TNNT2: variants seen among roughly 807,000 people sequenced by gnomAD.
TNNT2 encodes troponin T2, cardiac type.
In TNNT2, 34 loss-of-function variants were observed where a neutral mutation model predicts 62.4. That is an observed-to-expected ratio of 0.54 (90% CI 0.41 to 0.72). The LOEUF is 0.72. TNNT2 is among the 30% of genes least tolerant of loss of function. The pLI, the probability that TNNT2 is intolerant of heterozygous loss-of-function variation, is 0.00. For synonymous variants in TNNT2, 123 were observed against 127.2 expected, an observed-to-expected ratio of 0.97 and a Z score of 0.22; for missense variants, 275 against 381.9, an observed-to-expected ratio of 0.72 and a Z score of 2.33.
Position 201,370,325 on chromosome 1 carries a change from C to A in TNNT2, c.68-480G>T, listed in dbSNP as rs756705992. Reference sequence around the variant, plus strand: ...CTGAATGAGGCTCTTGGGTATCCTGCAAACTATGTCCAGTTTCCAGGAGTC... The same window carrying A: ...CTGAATGAGGCTCTTGGGTATCCTGAAAACTATGTCCAGTTTCCAGGAGTC... On this transcript the variant is annotated intron_variant, in intron 4 of 16. Coordinates refer to ENST00000656932, the MANE Select transcript of TNNT2 (RefSeq NM_001276345.2). 4.6e-5 allele frequency among the ~76,000 whole-genome samples: 7 copies of A among 152,306 alleles called. No homozygotes were observed. In the East Asian group the frequency reaches 1.4e-3, roughly 29 times the overall value.
intron 10 of TNNT2, among the ~76,000 whole-genome samples, chr1:201,364,740 T>A (rs574527749): frequency 1.3e-5 from 2 of 152,328 alleles, no homozygotes; most frequent in South Asian, 4.1e-4. Context: ...GAGCAGCATG[T>A]CTGTGGGAAG....
intron 7 of TNNT2, chr1:201,367,420 A>C (rs954882550): frequency 8.6e-6 from 4 of 466,000 alleles, no homozygotes; most frequent in Non-Finnish European, 1.6e-5. Flanking sequence ...CCATCTATGC[A>C]TTGGGATTTC....
intron 5 of TNNT2, chr1:201,369,449 C>A (rs116640473): frequency 2.9e-5 from 14 of 485,584 alleles, no homozygotes; most frequent in African/African-American, 2.6e-4. Flanking sequence ...TAAGGAGGGC[C>A]CAGCATGGAA....
chr1:201,364,800 T>G (rs543403815), intron 10 of TNNT2, among the ~76,000 whole-genome samples: 1 of 152,348 alleles, frequency 6.6e-6, no homozygotes, highest in South Asian at 2.1e-4. Context: ...CTCCACGCTC[T>G]GCAGGAGAAG....
intron 7 of TNNT2, chr1:201,367,557 T>A: frequency 1.5e-6 from 1 of 647,822 alleles, no homozygotes; most frequent in Non-Finnish European, 2.8e-6. Context: ...CCTCTCCCAC[T>A]GGGTGCCACC....
At chr1:201,370,667 G>A (rs1660487224) in intron 4 of TNNT2, among the ~76,000 whole-genome samples, 1 of 152,170 alleles carries the variant, frequency 6.6e-6, no homozygotes, top group Non-Finnish European at 1.5e-5. Flanking sequence ...GTCTATTCAT[G>A]GCAAGCAAGG....
intron 5 of TNNT2, 188 bp from the exon 6 acceptor site, chr1:201,368,415 CACCCAGCT>C: frequency 1.5e-6 from 1 of 673,148 alleles, no homozygotes; most frequent in Non-Finnish European, 2.7e-6. Context: ...TACCTCCCGC[CACCCAGCT>C]TAGCCCCACT....
intron 11 of TNNT2, chr1:201,364,086 GT>G: frequency 1.8e-6 from 1 of 567,102 alleles, no homozygotes. Context: ...GGGTTTCTCC[GT>G]TGGTCAGGAT....
chr1:201,361,068 C>T (rs1183673068), intron 15 of TNNT2: 18 of 667,104 alleles, frequency 2.7e-5, no homozygotes, highest in Middle Eastern at 4.1e-4. Context: ...TCAGCCCCAG[C>T]GAGCTCTCAG....
intron 9 of TNNT2, 87 bp from the exon 10 acceptor site, chr1:201,365,394 G>A (rs1306124621): frequency 9.2e-6 from 12 of 1,305,404 alleles, no homozygotes; most frequent in East Asian, 2.3e-5. Context: ...CCAACGCAGT[G>A]CAAAAGACCT....
chr1:201,365,479 C>T lies in TNNT2; in HGVS notation c.294+131G>A, dbSNP rs754834487. On this transcript the variant is annotated intron_variant, in intron 9 of 16. Coordinates refer to ENST00000656932, the MANE Select transcript of TNNT2 (RefSeq NM_001276345.2). ...CCAGGACCACGCTCATGGATGGGCA[C>T]CCAGCCTGGCTGGTGCTGCACCCCA... The T allele has an allele frequency of 1.2e-5, 15 of 1,238,254 alleles. No individual in the cohort carries two copies. The Admixed American group carries it at 2.5e-4, about 20-fold the overall frequency. 76.7% of individuals were successfully genotyped at this position (1,238,254 alleles called of 1,614,324 possible). A position where few individuals can be genotyped will look rare whatever the true frequency, so the allele number is the denominator to read the frequency against.
At chr1:201,368,257 A>G in intron 5 of TNNT2, 30 bp from the exon 6 acceptor site, 1 of 1,612,056 alleles carries the variant, frequency 6.2e-7, no homozygotes, top group East Asian at 2.2e-5. Flanking sequence ...AGAGTGAAGA[A>G]GCAGGCCCCA....
chr1:201,362,401 C>T lies in TNNT2; in HGVS notation c.601-7G>A, dbSNP rs369759523. The T allele has an allele frequency of 4.8e-5, 77 of 1,613,646 alleles. No homozygotes were observed. Among genetic ancestry groups the T allele is most frequent in the Admixed American group, 3.3e-4 (20 of 59,952 alleles). On this transcript the variant is annotated splice_region_variant and splice_polypyrimidine_tract_variant and intron_variant, in intron 12 of 16. Coordinates refer to ENST00000656932, the MANE Select transcript of TNNT2 (RefSeq NM_001276345.2). The stretch of plus-strand genomic sequence containing the variant: ...TGGTACCCACCTGGGCCTGCTAAAC[C>T]GGGAAACCATGAGAGAGAGGCCCAT...
intron 4 of TNNT2, among the ~76,000 whole-genome samples, chr1:201,370,119 G>C (rs1157043298): frequency 6.6e-6 from 1 of 152,204 alleles, no homozygotes; most frequent in Admixed American, 6.5e-5. Context: ...AGCGTGCATA[G>C]AGCGCCCAGC....
At position 201,365,625 on chromosome 1, in the gene TNNT2, C is replaced by T. The variant is rs727503514; in HGVS notation, c.279G>A (p.Glu93=). ...NLVPPKIPDG[E]RVDFDDIHRK... is the part of the protein sequence containing the mutation. Reference sequence around the variant, plus strand: ...CACCGCTTACATCAAAGTCCACTCTCTCTCCATCGGGGATCTTGGGAGGCA... The same window carrying T: ...CACCGCTTACATCAAAGTCCACTCTTTCTCCATCGGGGATCTTGGGAGGCA... Residue 93 remains glutamate, a synonymous_variant, in exon 9 of 17, where the codon GAG becomes GAA. Coordinates refer to ENST00000656932, the MANE Select transcript of TNNT2 (RefSeq NM_001276345.2). The T allele has an allele frequency of 6.2e-7, 1 of 1,613,990 alleles. No homozygotes were observed. Among genetic ancestry groups the T allele is most frequent in the African/African-American group, 1.3e-5 (1 of 74,932 alleles).
chr1:201,362,139 C>G (rs754392671), intron 13 of TNNT2, 117 bp from the exon 14 acceptor site: 28 of 1,256,826 alleles, frequency 2.2e-5, no homozygotes, highest in Non-Finnish European at 2.9e-5. Context: ...TTCTTATGCT[C>G]TTCTTCCTGC....
intron 8 of TNNT2, 44 bp from the exon 9 acceptor site, chr1:201,365,714 C>G: frequency 6.2e-7 from 1 of 1,607,842 alleles, no homozygotes; most frequent in Admixed American, 1.7e-5. Context: ...ATTCTGGACC[C>G]AGGGACTGAG....
intron 1 of TNNT2, among the ~76,000 whole-genome samples, chr1:201,376,807 T>C (rs937268627): frequency 9.9e-5 from 15 of 152,038 alleles, no homozygotes; most frequent in Non-Finnish European, 4.4e-5. Flanking sequence ...TGTCCCAAGA[T>C]GGGGTGTTGG....
chr1:201,369,160 G>A (rs981715571), intron 5 of TNNT2, among the ~76,000 whole-genome samples: 4 of 152,076 alleles, frequency 2.6e-5, no homozygotes, highest in Non-Finnish European at 5.9e-5. Flanking sequence ...AGCCCACCCA[G>A]TGGCCATGCA....
Sources: gnomAD v4.1 joint callset for allele counts (sites outside exome capture counted in the v4.1 genomes callset) on GRCh38, gnomAD v4.1.1 for gene constraint, MANE v1.5 for transcripts, NCBI Gene and HGNC (gene_info 2026-07-23, HGNC 2026-07-21) for gene names.